OPHN1: variants seen among roughly 807,000 people sequenced by gnomAD.
OPHN1 encodes the protein oligophrenin 1.
Under a neutral mutation model 60.7 loss-of-function variants are expected in OPHN1, and 11 were observed. That is an observed-to-expected ratio of 0.18 (90% CI 0.11 to 0.30). OPHN1 has a LOEUF of 0.30. Among genes scored for constraint, OPHN1 ranks in the 10% least tolerant of loss-of-function variants. The pLI is 1.00. For missense variants in OPHN1, 449 were observed against 611.0 expected (o/e 0.73, Z 2.80); for synonymous variants, 226 against 222.6 (o/e 1.02, Z -0.14).
In OPHN1 at chrX:68,111,157, C is replaced by G. The variant is rs191284533; in HGVS notation, c.1526+697G>C. Among the ~76,000 whole-genome samples, 670 of 112,415 alleles carry G rather than the reference C, an allele frequency of 6.0e-3. 2 individuals are homozygous for G. The highest frequency in any genetic ancestry group is 0.025 in the South Asian group (67 of 2,674). The stretch of plus-strand genomic sequence containing the variant: ...CTCAAGAGTGACCTGTCCCTGGTCA[C>G]AAAATGAACTAATAGCAGAAAGCAG... On this transcript the variant is annotated intron_variant, in intron 18 of 24. Coordinates refer to ENST00000355520, the MANE Select transcript of OPHN1 (RefSeq NM_002547.3).
chrX:68,308,137 C>T (rs763851373), intron 2 of OPHN1, among the ~76,000 whole-genome samples: 1 of 111,944 alleles, frequency 8.9e-6, no homozygotes, highest in South Asian at 3.7e-4. Flanking sequence ...TAACTTGCCT[C>T]CCTGGGCCTC....
chrX:68,109,702 G>C (rs2077096247), intron 18 of OPHN1, among the ~76,000 whole-genome samples: 1 of 111,124 alleles, frequency 9.0e-6, no homozygotes, highest in Admixed American at 9.6e-5. Flanking sequence ...AGAAAAGCTA[G>C]CATATTATAA....
chrX:68,313,330 A>C (rs1475439977), intron 2 of OPHN1, among the ~76,000 whole-genome samples: 1 of 111,310 alleles, frequency 9.0e-6, no homozygotes, highest in African/African-American at 3.3e-5. Flanking sequence ...TATATACCCA[A>C]AAGAAAGGAA....
rs779349193 is a variant in OPHN1, at chrX:68,212,225, T to C, written c.598-13A>G. On this transcript the variant is annotated splice_polypyrimidine_tract_variant and intron_variant, in intron 7 of 24. Transcript: ENST00000355520. ...GAAAGGCCAAGACCTAGGGAAAACA[T>C]GTAAAAATAACTTTATCACCAGCAT... The C allele has an allele frequency of 1.7e-5, 19 of 1,090,184 alleles. No individual in the cohort carries two copies. Among genetic ancestry groups the C allele is most frequent in the Middle Eastern group, 2.4e-4 (1 of 4,093 alleles). The allele number at this position is 1,090,184 out of a possible 1,213,427, so 89.8% of individuals were successfully genotyped here.
chrX:68,389,657 T>TAAA (rs34892434), intron 2 of OPHN1, among the ~76,000 whole-genome samples: 50,383 of 88,369 alleles, frequency 0.57, 14,815 homozygotes, highest in East Asian at 0.83. Flanking sequence ...TGTGATTTAG[T>TAAA]AAAAAAAAAA....
chrX:68,132,215 C>G (rs772721429), intron 15 of OPHN1, among the ~76,000 whole-genome samples: 19 of 109,101 alleles, frequency 1.7e-4, no homozygotes, highest in Non-Finnish European at 2.5e-4. Context: ...ACCCAAATGA[C>G]TATAAATCAT....
chrX:68,291,832 T>C (rs2078072179), intron 3 of OPHN1, among the ~76,000 whole-genome samples: 1 of 111,234 alleles, frequency 9.0e-6, no homozygotes, highest in African/African-American at 3.3e-5. Flanking sequence ...TTCCATTTCT[T>C]TGAGATGTTC....
At chrX:68,288,975 C>A (rs1347836279) in intron 3 of OPHN1, among the ~76,000 whole-genome samples, 1 of 110,742 alleles carries the variant, frequency 9.0e-6, no homozygotes, top group Non-Finnish European at 1.9e-5. Flanking sequence ...GCAATAAAAG[C>A]TTTAGTGAGG....
intron 22 of OPHN1, among the ~76,000 whole-genome samples, chrX:68,053,203 C>A (rs1240201035): frequency 3.6e-5 from 4 of 111,425 alleles, no homozygotes; most frequent in African/African-American, 1.3e-4. Context: ...TCTGGAGAAC[C>A]AAAGTCATTT....
At chrX:68,402,285 A>G (rs1354537174) in intron 2 of OPHN1, among the ~76,000 whole-genome samples, 7 of 108,000 alleles carry the variant, frequency 6.5e-5, no homozygotes, top group Non-Finnish European at 9.6e-5. Context: ...AGAAGAAAGA[A>G]GGGAGAAAGA....
intron 2 of OPHN1, among the ~76,000 whole-genome samples, chrX:68,366,581 C>T (rs754791294): frequency 9.0e-6 from 1 of 111,076 alleles, no homozygotes; most frequent in Non-Finnish European, 1.9e-5. Context: ...CTCAAACTCC[C>T]GGCCTCAAGC....
Position 68,213,952 on chromosome X carries a change from C to T in OPHN1, c.507G>A (p.Lys169=), listed in dbSNP as rs766235240. ...QLQEADLQVD[K]ERHNFFESSL... ...AGGACTCGAAAAAATTGTGCCTCTCCTTGTCCACCTGTAGGTCTGCCTGTA... is the reference window on the plus strand; with the variant it reads ...AGGACTCGAAAAAATTGTGCCTCTCTTTGTCCACCTGTAGGTCTGCCTGTA... The change falls in exon 7 of 25, where the codon AAG becomes AAA. Residue 169 remains lysine (K), a synonymous_variant. Transcript: ENST00000355520. The T allele has an allele frequency of 9.3e-6, 11 of 1,181,345 alleles. No individual in the cohort carries two copies. Among genetic ancestry groups the T allele is most frequent in the Non-Finnish European group, 1.3e-5 (11 of 869,274 alleles).
In OPHN1 at chrX:68,299,703, C is replaced by T. The variant is rs189608855; in HGVS notation, c.155-607G>A. Among the ~76,000 whole-genome samples the T allele has an allele frequency of 1.8e-3, 203 of 111,980 alleles. 1 individual carries two copies. Among genetic ancestry groups the T allele is most frequent in the African/African-American group, 5.9e-3 (183 of 30,862 alleles). On this transcript the variant is annotated intron_variant, in intron 2 of 24. Transcript: ENST00000355520. ...CAAGAGACCTGACCTAAGAAAGCAA[C>T]GAATGAAAACAATCAGGGTGACATG...
chrX:68,083,777 G>A (rs1198325822), intron 19 of OPHN1, among the ~76,000 whole-genome samples: 1 of 111,649 alleles, frequency 9.0e-6, no homozygotes, highest in Non-Finnish European at 1.9e-5. Context: ...GGCCTTTGTC[G>A]GGTTTTTAAT....
At chrX:68,184,491 C>T (rs1157531120) in intron 15 of OPHN1, among the ~76,000 whole-genome samples, 4 of 104,437 alleles carry the variant, frequency 3.8e-5, no homozygotes, top group African/African-American at 7.0e-5. Flanking sequence ...CACTGCACTC[C>T]GGCCTGGGTG....
chrX:68,102,352 A>C (rs1236173752), intron 18 of OPHN1, among the ~76,000 whole-genome samples: 1 of 112,287 alleles, frequency 8.9e-6, no homozygotes, highest in Non-Finnish European at 1.9e-5. Flanking sequence ...AAATTCCAGA[A>C]TCTCTGGGAC....
At chrX:68,157,392 G>A (rs1300606295) in intron 15 of OPHN1, among the ~76,000 whole-genome samples, 1 of 112,210 alleles carries the variant, frequency 8.9e-6, no homozygotes, top group Non-Finnish European at 1.9e-5. Flanking sequence ...GGAATACTAT[G>A]CAGCCATAAA....
intron 5 of OPHN1, among the ~76,000 whole-genome samples, chrX:68,254,631 C>T (rs763005132): frequency 3.6e-5 from 4 of 111,364 alleles, no homozygotes; most frequent in African/African-American, 9.8e-5. Context: ...CCCACAACTC[C>T]GCTATTGCCA....
intron 8 of OPHN1, among the ~76,000 whole-genome samples, chrX:68,211,165 T>C (rs1341010963): frequency 9.5e-6 from 1 of 105,668 alleles, no homozygotes; most frequent in Admixed American, 1.1e-4. Flanking sequence ...AAAGAAAAAA[T>C]AATAACAACA....
Sources: gnomAD v4.1 joint callset for allele counts (sites outside exome capture counted in the v4.1 genomes callset) on GRCh38, gnomAD v4.1.1 for gene constraint, MANE v1.5 for transcripts, NCBI Gene and HGNC (gene_info 2026-07-23, HGNC 2026-07-21) for gene names.